NALF1: variants seen among roughly 807,000 people sequenced by gnomAD.
NALF1 encodes NALCN channel auxiliary factor 1, also known as family with sequence similarity 155 member A.
NALF1 carries 3 observed loss-of-function variants against 48.4 expected under a neutral mutation model. The ratio of observed to expected loss-of-function variants is 0.06; its 90% confidence interval spans 0.03 to 0.16. NALF1 has a LOEUF of 0.16. Ranked by LOEUF, NALF1 falls within the 10% of genes least tolerant of loss-of-function variation. NALF1 has a pLI of 1.00. For missense variants in NALF1, 526 were observed against 571.5 expected (o/e 0.92, Z 0.81); for synonymous variants, 262 against 245.7 (o/e 1.07, Z -0.62).
rs1014949968 is a variant in NALF1 at position 107,447,590 on chromosome 13, C to T, written c.916-236835G>A. On this transcript the variant is annotated intron_variant, in intron 1 of 2. Transcript: ENST00000375915. ...GTTTTAGCTTCTTTATTCCTTTTTACAGCTCTTTCAGGGCACTGTCATTAT... is the reference window on the plus strand; with the variant it reads ...GTTTTAGCTTCTTTATTCCTTTTTATAGCTCTTTCAGGGCACTGTCATTAT... Among the ~76,000 whole-genome samples the T allele has an allele frequency of 3.9e-5, 6 of 152,256 alleles. No individual in the cohort carries two copies. In the East Asian group the frequency reaches 9.6e-4, roughly 24 times the overall value.
intron 1 of NALF1, among the ~76,000 whole-genome samples, chr13:107,447,845 G>C (rs1884675920): frequency 6.6e-6 from 1 of 152,116 alleles, no homozygotes; most frequent in Non-Finnish European, 1.5e-5. Context: ...ACCTGCCAAT[G>C]ATTTACCAAT....
chr13:107,830,160 G>A (rs2138626170), intron 1 of NALF1, among the ~76,000 whole-genome samples: 1 of 152,266 alleles, frequency 6.6e-6, no homozygotes, highest in South Asian at 2.1e-4. Flanking sequence ...GTGCATTCCA[G>A]CAATCTAACT....
chr13:107,439,639 TTAGA>T (rs1320225226), intron 1 of NALF1, among the ~76,000 whole-genome samples: 8 of 152,222 alleles, frequency 5.3e-5, no homozygotes, highest in African/African-American at 1.9e-4. Flanking sequence ...CTTTCTCTAA[TTAGA>T]TAGATCTCAT....
rs1272422589 is a variant in NALF1, at chr13:107,649,549, A to G, written c.915+216133T>C. 2.0e-5 allele frequency among the ~76,000 whole-genome samples: 3 copies of G among 152,202 alleles called. No homozygotes were observed. The South Asian group carries it at 6.2e-4, about 31-fold the overall frequency. ...TTGTAGAGTTAATTATTTCATATAAATTACCTTTCATGAGAGGCATATTTA... is the reference window on the plus strand; with the variant it reads ...TTGTAGAGTTAATTATTTCATATAAGTTACCTTTCATGAGAGGCATATTTA... On this transcript the variant is annotated intron_variant, in intron 1 of 2. Transcript: ENST00000375915.
intron 1 of NALF1, among the ~76,000 whole-genome samples, chr13:107,341,994 C>T (rs1882691199): frequency 6.6e-6 from 1 of 151,826 alleles, no homozygotes; most frequent in Non-Finnish European, 1.5e-5. Context: ...ATCAAGGGTT[C>T]AATATGTAGC....
rs371516557 is a variant in NALF1 at position 107,333,295 on chromosome 13, A to G, written c.916-122540T>C. On this transcript the variant is annotated intron_variant, in intron 1 of 2. Coordinates refer to ENST00000375915, the MANE Select transcript of NALF1 (RefSeq NM_001080396.3). ...TACACTCTGTAAGCCACATCACAGA[A>G]TTCTTGGGCTTAGGAATACCAGACA... Among the ~76,000 whole-genome samples, 44 of 152,332 alleles carry G rather than the reference A, an allele frequency of 2.9e-4. No individual in the cohort carries two copies. In the East Asian group the frequency reaches 6.0e-3, roughly 21 times the overall value.
chr13:107,263,054 T>C (rs9520354), intron 1 of NALF1, among the ~76,000 whole-genome samples: 15,489 of 152,148 alleles, frequency 0.1, 908 homozygotes, highest in Non-Finnish European at 0.13. Flanking sequence ...TTGAGGGGTT[T>C]TGGTGACCAT....
At chr13:107,774,965 A>G (rs1413261435) in intron 1 of NALF1, among the ~76,000 whole-genome samples, 2 of 152,196 alleles carry the variant, frequency 1.3e-5, no homozygotes, top group Non-Finnish European at 1.5e-5. Context: ...ATGTCTCCCA[A>G]TGAACTGTGA....
At chr13:107,353,434 T>C (rs78411919) in intron 1 of NALF1, among the ~76,000 whole-genome samples, 1,605 of 152,336 alleles carry the variant, frequency 0.011, 21 homozygotes, top group African/African-American at 0.037. Context: ...TGAGACTTGA[T>C]GCTTCATGAG....
intron 1 of NALF1, among the ~76,000 whole-genome samples, chr13:107,431,932 G>A (rs1267917215): frequency 6.6e-6 from 1 of 152,054 alleles, no homozygotes; most frequent in Non-Finnish European, 1.5e-5. Context: ...GTGAACATGA[G>A]GGACCACTTC....
chr13:107,692,115 G>A (rs1208265194), intron 1 of NALF1, among the ~76,000 whole-genome samples: 1 of 152,114 alleles, frequency 6.6e-6, no homozygotes, highest in Non-Finnish European at 1.5e-5. Flanking sequence ...GAAGAGATGA[G>A]CAGATGAGAC....
rs370804940 is a variant in NALF1, at chr13:107,746,131, T to C, written c.915+119551A>G. 9.8e-5 allele frequency among the ~76,000 whole-genome samples: 15 copies of C among 152,290 alleles called. No individual in the cohort carries two copies. In the East Asian group the frequency reaches 1.7e-3, roughly 18 times the overall value. On this transcript the variant is annotated intron_variant, in intron 1 of 2. Transcript: ENST00000375915. ...AAGCAATGATCAATGAAACAACCAATTTATTGTTAATTTATGTATTGTTTT... is the reference window on the plus strand; with the variant it reads ...AAGCAATGATCAATGAAACAACCAACTTATTGTTAATTTATGTATTGTTTT...
At chr13:107,302,121 G>A (rs9587347) in intron 1 of NALF1, among the ~76,000 whole-genome samples, 2 of 152,188 alleles carry the variant, frequency 1.3e-5, no homozygotes, top group South Asian at 2.1e-4. Flanking sequence ...GAGTGGGACT[G>A]GTGGCTTCAA....
chr13:107,594,092 T>C (rs955961338), intron 1 of NALF1, among the ~76,000 whole-genome samples: 19 of 151,952 alleles, frequency 1.3e-4, no homozygotes, highest in Non-Finnish European at 2.8e-4. Context: ...CAAATCCAAA[T>C]CCCTCAAAAC....
At chr13:107,293,616 G>A (rs1223969928) in intron 1 of NALF1, among the ~76,000 whole-genome samples, 1 of 152,144 alleles carries the variant, frequency 6.6e-6, no homozygotes, top group Admixed American at 6.5e-5. Context: ...TCATTGTAAT[G>A]GTCACTTGAA....
At chr13:107,592,635 C>A (rs1878630381) in intron 1 of NALF1, among the ~76,000 whole-genome samples, 1 of 151,758 alleles carries the variant, frequency 6.6e-6, no homozygotes, top group Admixed American at 6.6e-5. Context: ...TCAGCTTAAC[C>A]TAGGCTCATC....
intron 1 of NALF1, among the ~76,000 whole-genome samples, chr13:107,693,333 G>GCGGGA (rs1881611254): frequency 1.9e-5 from 2 of 105,010 alleles, no homozygotes; most frequent in Admixed American, 9.9e-5. Context: ...TAGGGTAGGG[G>GCGGGA]GGGCGGGAGG....
At chr13:107,644,642 C>CATATATATATAT (rs371201609) in intron 1 of NALF1, among the ~76,000 whole-genome samples, 2,105 of 91,906 alleles carry the variant, frequency 0.023, 89 homozygotes, top group African/African-American at 0.031. Context: ...TACATACATA[C>CATATATATATAT]ATACATATAT....
intron 2 of NALF1, among the ~76,000 whole-genome samples, chr13:107,208,394 A>T (rs1879687837): frequency 6.6e-6 from 1 of 152,170 alleles, no homozygotes; most frequent in Non-Finnish European, 1.5e-5. Flanking sequence ...TGCAGACTGG[A>T]TTCTCTGCCC....
Sources: allele counts gnomAD v4.1 joint callset (sites outside exome capture counted in the v4.1 genomes callset), GRCh38; gene constraint gnomAD v4.1.1; transcripts MANE v1.5; gene names NCBI Gene and HGNC (gene_info 2026-07-23, HGNC 2026-07-21).